The following FAM83E variants were observed in gnomAD, a reference collection of about 807,000 sequenced individuals.
FAM83E encodes the protein protein FAM83E.
Under a neutral mutation model 34.3 loss-of-function variants are expected in FAM83E, and 29 were observed. That is an observed-to-expected ratio of 0.85 (90% CI 0.63 to 1.15). The LOEUF is 1.15. FAM83E is among the 50% of genes most tolerant of loss of function. FAM83E has a pLI of 0.00. For synonymous variants in FAM83E, 312 were observed against 311.6 expected (o/e 1.00, Z -0.01); for missense variants, 697 against 685.0 (o/e 1.02, Z -0.20).
rs760877430 is a variant in FAM83E, at chr19:48,610,841, C to G, written c.472G>C (p.Ala158Pro). 5 of 1,592,964 alleles carry G rather than the reference C, an allele frequency of 3.1e-6. No homozygotes were observed. Among genetic ancestry groups the G allele is most frequent in the Admixed American group, 1.8e-5 (1 of 57,038 alleles). The change falls in exon 4 of 7, where the codon GCC becomes CCC. Residue 158 changes from alanine (A) to proline (P), a missense_variant. Coordinates refer to ENST00000263266, the MANE Select transcript of FAM83E (RefSeq NM_017708.4). ...LEIQAAHKLV[A>P]VVMDVFTDPD... ...TCAGTGAAGACGTCCATGACCACGGCCACCAGCTGGGCATGGGGAGAGGGG... is the reference window on the plus strand; with the variant it reads ...TCAGTGAAGACGTCCATGACCACGGGCACCAGCTGGGCATGGGGAGAGGGG...
At chr19:48,603,353 T>G in intron 6 of FAM83E, 141 bp downstream of exon 6, 2 of 736,134 alleles carry the variant, frequency 2.7e-6, no homozygotes, top group Non-Finnish European at 3.8e-6. Context: ...AACGATGCCA[T>G]TATGAATTTA....
chr19:48,609,998 G>A lies in FAM83E; in HGVS notation c.636C>T (p.Asn212=), dbSNP rs962271367. ...QLGVNPWNTE[N]VDVRVVRGCS... ...AGCCCCGCACGACACGGACATCCAC[G>A]TTCTGTTGGTGTGGGGAGTGGAGGG... Residue 212 remains asparagine (N), a splice_region_variant and synonymous_variant, in exon 5 of 7, where the codon AAC becomes AAT. Transcript: ENST00000263266. The A allele has an allele frequency of 2.0e-5, 32 of 1,611,230 alleles. No individual in the cohort carries two copies. The Middle Eastern group carries it at 6.6e-4, about 33-fold the overall frequency.
Position 48,606,902 on chromosome 19 carries a change from G to A in FAM83E, c.758+2974C>T. Reference sequence around the variant, plus strand: ...CCGTGGGCAAGAGGAGTCCTCAGAGGTCCTTCATTCAGCGGTTCCGGGAGG... The same window carrying A: ...CCGTGGGCAAGAGGAGTCCTCAGAGATCCTTCATTCAGCGGTTCCGGGAGG... On this transcript the variant is annotated intron_variant, in intron 5 of 6. Coordinates refer to ENST00000263266, the MANE Select transcript of FAM83E (RefSeq NM_017708.4). 2.0e-6 allele frequency: 3 copies of A among 1,528,570 alleles called. No individual in the cohort carries two copies. In the South Asian group the frequency reaches 3.7e-5, roughly 19 times the overall value. 94.7% of individuals were successfully genotyped at this position (1,528,570 alleles called of 1,614,324 possible). A position where few individuals can be genotyped will look rare whatever the true frequency, so the allele number is the denominator to read the frequency against.
Position 48,613,189 on chromosome 19 carries a change from C to T in FAM83E, c.184G>A (p.Asp62Asn). The T allele has an allele frequency of 2.5e-6, 4 of 1,611,784 alleles. No homozygotes were observed. Among genetic ancestry groups the T allele is most frequent in the Non-Finnish European group, 3.4e-6 (4 of 1,179,932 alleles). Residue 62 changes from aspartate to asparagine, a missense_variant, in exon 3 of 7, where the codon GAT (aspartate) becomes AAT (asparagine). Asp to Asn is a conservative substitution (Grantham distance 23). Coordinates refer to ENST00000263266, the MANE Select transcript of FAM83E (RefSeq NM_017708.4). ...GCCGCTGCCAAGCCCTGAACCTCATCCGCACTGAGGAAGGGCCACAGCTCC... is the reference window on the plus strand; with the variant it reads ...GCCGCTGCCAAGCCCTGAACCTCATTCGCACTGAGGAAGGGCCACAGCTCC... ...REELWPFLSADEVQGLAAAAE... is the reference protein window; with the variant it reads ...REELWPFLSANEVQGLAAAAE...
intron 6 of FAM83E, among the ~76,000 whole-genome samples, chr19:48,602,703 AAATATATATATATATATATATATATAT>A (rs1973843810): frequency 2.2e-5 from 1 of 44,850 alleles, no homozygotes; most frequent in African/African-American, 1.2e-4. Flanking sequence ...AAAAAAAAAA[AAATATATATATATATATATATATATAT>A]ATATATATAT....
At position 48,610,812 on chromosome 19, in the gene FAM83E, TG is replaced by T; in HGVS notation, c.500del (p.Pro167GlnfsTer39). 6.3e-7 allele frequency: 1 copy of T among 1,595,272 alleles called. No homozygotes were observed. The highest frequency in any genetic ancestry group is 8.5e-7 in the Non-Finnish European group (1 of 1,171,024). ...VAVVMDVFTD[P>X]DLLLDLVDAA... The stretch of plus-strand genomic sequence containing the variant: ...CATCCACCAAGTCCAAAAGCAGGTC[TG>T]GGTCAGTGAAGACGTCCATGACCAC... On this transcript the variant is annotated frameshift_variant, in exon 4 of 7. Transcript: ENST00000263266. LOFTEE classifies it high-confidence loss of function.
Position 48,610,841 on chromosome 19 carries a change from C to T in FAM83E, c.472G>A (p.Ala158Thr), listed in dbSNP as rs760877430. The T allele has an allele frequency of 1.0e-5, 16 of 1,592,964 alleles. No individual in the cohort carries two copies. The highest frequency in any genetic ancestry group is 1.4e-5 in the Non-Finnish European group (16 of 1,169,824). ...TCAGTGAAGACGTCCATGACCACGG[C>T]CACCAGCTGGGCATGGGGAGAGGGG... ...LEIQAAHKLV[A>T]VVMDVFTDPD... Residue 158 changes from alanine to threonine, a missense_variant, in exon 4 of 7, where the codon GCC (alanine) becomes ACC (threonine). Physicochemically the swap from Ala to Thr is moderately conservative, Grantham distance 58. Coordinates refer to ENST00000263266, the MANE Select transcript of FAM83E (RefSeq NM_017708.4).
intron 6 of FAM83E, among the ~76,000 whole-genome samples, chr19:48,601,902 C>G (rs952815618): frequency 6.6e-6 from 1 of 151,180 alleles, no homozygotes; most frequent in East Asian, 2.0e-4. Flanking sequence ...AATCCCAGCA[C>G]TTTGGGAGGT....
Position 48,603,780 on chromosome 19 carries a change from TG to T in FAM83E, c.889del (p.Gln297ArgfsTer6). On this transcript the variant is annotated frameshift_variant, in exon 6 of 7. Transcript: ENST00000263266. LOFTEE classifies it high-confidence loss of function. ...CAGGCCACCTATGACCGAGGGTTTC[TG>T]GGGGGGCGCAGGTGGGAGCGGGCAG... ...ASCPLPPAPPQKPSVIGGLQR... is the reference protein window; with the variant it reads ...ASCPLPPAPPXKPSVIGGLQR... 9 of 1,590,270 alleles carry T rather than the reference TG, an allele frequency of 5.7e-6. No homozygotes were observed. The East Asian group carries it at 7.1e-5, about 13-fold the overall frequency.
At chr19:48,603,131 C>A (rs936317190) in intron 6 of FAM83E, among the ~76,000 whole-genome samples, 9 of 151,888 alleles carry the variant, frequency 5.9e-5, no homozygotes, top group African/African-American at 2.2e-4. Context: ...TTCATTTAGC[C>A]AAGTGGATTC....
Position 48,603,750 on chromosome 19 carries a change from C to G in FAM83E, c.920G>C (p.Arg307Pro). ...QKPSVIGGLQRGRSPHRVSRR... is the reference protein window; with the variant it reads ...QKPSVIGGLQPGRSPHRVSRR... ...GGACACGCGGTGCGGGCTGCGGCCC[C>G]GCTGCAGGCCACCTATGACCGAGGG... is the stretch of plus-strand genomic sequence containing the variant. The change falls in exon 6 of 7, where the codon CGG (arginine) becomes CCG (proline). Residue 307 changes from arginine to proline, a missense_variant. Coordinates refer to ENST00000263266, the MANE Select transcript of FAM83E (RefSeq NM_017708.4). 1 of 1,554,302 alleles carries G rather than the reference C, an allele frequency of 6.4e-7. No homozygotes were observed. The highest frequency in any genetic ancestry group is 8.6e-7 in the Non-Finnish European group (1 of 1,156,388).
chr19:48,606,765 G>C, intron 5 of FAM83E: 1 of 600,716 alleles, frequency 1.7e-6, no homozygotes, highest in Admixed American at 3.0e-5. Context: ...ACTCTTGTTG[G>C]GCAGCAGCCA....
chr19:48,602,994 G>C (rs1022710423), intron 6 of FAM83E, among the ~76,000 whole-genome samples: 11 of 150,994 alleles, frequency 7.3e-5, no homozygotes, highest in African/African-American at 2.7e-4. Flanking sequence ...TGGGACTACA[G>C]GTGTGCACCA....
chr19:48,600,500 TA>T lies in FAM83E; in HGVS notation c.*608del, dbSNP rs1568416781. On this transcript the variant is annotated 3_prime_UTR_variant, in exon 7 of 7. Coordinates refer to ENST00000263266, the MANE Select transcript of FAM83E (RefSeq NM_017708.4). ...ACAGGCGCCCGCCACCACACCTGGCTAATTTTTGTATTTGGTAGAGATGGGG... is the reference window on the plus strand; with the variant it reads ...ACAGGCGCCCGCCACCACACCTGGCTATTTTTGTATTTGGTAGAGATGGGG... Among the ~76,000 whole-genome samples, 1 of 152,072 alleles carries T rather than the reference TA, an allele frequency of 6.6e-6. No homozygotes were observed. The highest frequency in any genetic ancestry group is 1.9e-4 in the East Asian group (1 of 5,182).
chr19:48,610,067 A>G, intron 4 of FAM83E, 67 bp from the exon 5 acceptor site: 1 of 1,571,964 alleles, frequency 6.4e-7, no homozygotes, highest in Non-Finnish European at 8.6e-7. Context: ...GGCTCCCTCC[A>G]GACTGGTTCT....
chr19:48,600,361 A>T lies in FAM83E; in HGVS notation c.*748T>A, dbSNP rs141268035. Among the ~76,000 whole-genome samples the T allele has an allele frequency of 6.6e-6, 1 of 152,166 alleles. No individual in the cohort carries two copies. Among genetic ancestry groups the T allele is most frequent in the Admixed American group, 6.5e-5 (1 of 15,276 alleles). ...AAGTCCTTTTTTTTGTTTGAGATGA[A>T]ATCTCGCTCTGTCACCCAGGCTGGA... is the stretch of plus-strand genomic sequence containing the variant. On this transcript the variant is annotated 3_prime_UTR_variant, in exon 7 of 7. Coordinates refer to ENST00000263266, the MANE Select transcript of FAM83E (RefSeq NM_017708.4).
At chr19:48,612,807 G>A (rs1402137646) in intron 3 of FAM83E, 101 bp downstream of exon 3, 12 of 1,348,490 alleles carry the variant, frequency 8.9e-6, no homozygotes, top group Non-Finnish European at 1.1e-5. Context: ...GGTCCTTTAG[G>A]GTAGGGGTGT....
At position 48,601,119 on chromosome 19, in the gene FAM83E, C is replaced by A. The variant is rs1262989650; in HGVS notation, c.1427G>T (p.Gly476Val). ...SDWAPRAGLGGQP is the reference protein window; with the variant it reads ...SDWAPRAGLGVQP ...GGCTTGGGCTCCTGTTCAGGGTTGC[C>A]CCCCAAGTCCTGCCCGGGGGGCCCA... The change falls in exon 7 of 7, where the codon GGG (glycine) becomes GTG (valine). Residue 476 changes from glycine to valine, a missense_variant. Gly to Val is a moderately radical substitution (Grantham distance 109). Coordinates refer to ENST00000263266, the MANE Select transcript of FAM83E (RefSeq NM_017708.4). The A allele has an allele frequency of 1.2e-6, 2 of 1,611,174 alleles. No homozygotes were observed. The highest frequency in any genetic ancestry group is 1.7e-6 in the Non-Finnish European group (2 of 1,179,132).
At position 48,614,767 on chromosome 19, in the gene FAM83E, C is replaced by T. The variant is rs1198588437; in HGVS notation, c.-1315G>A. 6.1e-6 allele frequency: 6 copies of T among 984,992 alleles called. No homozygotes were observed. The highest frequency in any genetic ancestry group is 7.2e-6 in the Non-Finnish European group (6 of 829,992). 61.0% of individuals were successfully genotyped at this position (984,992 alleles called of 1,614,324 possible). ...TTCCAGTGCCTGCTTTTTCCGAGAACGTAGGCTGTGGCTCCCCGGCTTCTA... is the reference window on the plus strand; with the variant it reads ...TTCCAGTGCCTGCTTTTTCCGAGAATGTAGGCTGTGGCTCCCCGGCTTCTA... On this transcript the variant is annotated 5_prime_UTR_variant, in exon 2 of 7. Coordinates refer to ENST00000263266, the MANE Select transcript of FAM83E (RefSeq NM_017708.4).
Sources: allele counts gnomAD v4.1 joint callset (sites outside exome capture counted in the v4.1 genomes callset), GRCh38; gene constraint gnomAD v4.1.1; transcripts MANE v1.5; gene names NCBI Gene and HGNC (gene_info 2026-07-23, HGNC 2026-07-21).